The following GPR158 variants were observed in gnomAD, a reference collection of about 807,000 sequenced individuals.
GPR158 encodes the protein metabotropic glycine receptor.
In GPR158, 30 loss-of-function variants were observed where a neutral mutation model predicts 78.2. The ratio of observed to expected loss-of-function variants is 0.38; its 90% CI spans 0.29 to 0.52. The LOEUF is 0.52. Among genes scored for constraint, GPR158 ranks in the 20% least tolerant of loss-of-function variants. The probability of loss-of-function intolerance (pLI) is 0.83; values close to 1 mark genes in which losing one functional copy is unlikely to be tolerated. For missense variants in GPR158, 1,463 were observed against 1,523.5 expected (o/e 0.96, Z 0.66); for synonymous variants, 581 against 591.1 (o/e 0.98, Z 0.25).
chr10:25,309,663 T>C (rs1014664897), intron 2 of GPR158, among the ~76,000 whole-genome samples: 1 of 152,172 alleles, frequency 6.6e-6, no homozygotes, highest in African/African-American at 2.4e-5. Flanking sequence ...CCATGTGTCA[T>C]GGGCATGACC....
intron 1 of GPR158, among the ~76,000 whole-genome samples, chr10:25,196,682 A>G (rs559151705): frequency 6.6e-6 from 1 of 152,254 alleles, no homozygotes; most frequent in East Asian, 1.9e-4. Context: ...CCCACCCTGG[A>G]CCTTTACTCT....
chr10:25,387,895 A>ACAT (rs1437308316), intron 2 of GPR158, among the ~76,000 whole-genome samples: 1 of 152,146 alleles, frequency 6.6e-6, no homozygotes, highest in African/African-American at 2.4e-5. Flanking sequence ...TCCATTGAAG[A>ACAT]CATCTGGTTA....
chr10:25,178,555 C>A (rs938349227), intron 1 of GPR158, among the ~76,000 whole-genome samples: 1 of 152,186 alleles, frequency 6.6e-6, no homozygotes, highest in East Asian at 1.9e-4. Flanking sequence ...TTTTTTCACT[C>A]TGTTTAGAAA....
At chr10:25,568,406 C>T (rs371739994) in intron 6 of GPR158, among the ~76,000 whole-genome samples, 32 of 152,078 alleles carry the variant, frequency 2.1e-4, no homozygotes, top group African/African-American at 7.7e-4. Context: ...AGGAGCTAGC[C>T]AAGAAGTAGG....
intron 2 of GPR158, among the ~76,000 whole-genome samples, chr10:25,257,027 C>T (rs1053236328): frequency 6.6e-6 from 1 of 152,176 alleles, no homozygotes; most frequent in African/African-American, 2.4e-5. Context: ...TTTTCTGCTG[C>T]TGTAACAGAA....
rs966645787 is a variant in GPR158, at chr10:25,351,060, C to T, written c.1009-44851C>T. 7.2e-5 allele frequency among the ~76,000 whole-genome samples: 11 copies of T among 151,942 alleles called. No individual in the cohort carries two copies. The South Asian group carries it at 1.9e-3, about 26-fold the overall frequency. On this transcript the variant is annotated intron_variant, in intron 2 of 10. Transcript: ENST00000376351. Reference sequence around the variant, plus strand: ...TCTCTAGGTGAAATGGAGATTCCTTCGCAGAAGAGGTGACACCTATACAGC... The same window carrying T: ...TCTCTAGGTGAAATGGAGATTCCTTTGCAGAAGAGGTGACACCTATACAGC...
rs191531365 is a variant in GPR158, at chr10:25,180,049, G to C, written c.902+3727G>C. ...ATGGTTAGCAGGTACTTAAGGGTTTGTTGAATTTAAAAGAAGGTGAGTTTC... is the reference window on the plus strand; with the variant it reads ...ATGGTTAGCAGGTACTTAAGGGTTTCTTGAATTTAAAAGAAGGTGAGTTTC... On this transcript the variant is annotated intron_variant, in intron 1 of 10. Coordinates refer to ENST00000376351, the MANE Select transcript of GPR158 (RefSeq NM_020752.3). 5.1e-4 allele frequency among the ~76,000 whole-genome samples: 77 copies of C among 152,192 alleles called. 1 individual carries two copies. Among genetic ancestry groups the C allele is most frequent in the Admixed American group, 4.5e-3 (68 of 15,280 alleles).
At position 25,505,160 on chromosome 10, in the gene GPR158, ATG is replaced by A. The variant is rs1368627090; in HGVS notation, c.1404+38442_1404+38443del. On this transcript the variant is annotated intron_variant, in intron 5 of 10. Transcript: ENST00000376351. ...ATAAACATTAGCTCTTATTTTGATAATGATGTTGACAATGAAAGCCTTTTTGT... is the reference window on the plus strand; with the variant it reads ...ATAAACATTAGCTCTTATTTTGATAAATGTTGACAATGAAAGCCTTTTTGT... 1.3e-4 allele frequency among the ~76,000 whole-genome samples: 20 copies of A among 152,220 alleles called. No individual in the cohort carries two copies. The East Asian group carries it at 3.7e-3, about 28-fold the overall frequency.
chr10:25,572,255 T>C lies in GPR158; in HGVS notation c.1515-394T>C, dbSNP rs151157370. On this transcript the variant is annotated intron_variant, in intron 6 of 10. Coordinates refer to ENST00000376351, the MANE Select transcript of GPR158 (RefSeq NM_020752.3). ...TCAATGGACTCTAATGTAAGATATGTGTTTTACTACTGGAAGATAAACTAA... is the reference window on the plus strand; with the variant it reads ...TCAATGGACTCTAATGTAAGATATGCGTTTTACTACTGGAAGATAAACTAA... Among the ~76,000 whole-genome samples, 14 of 152,362 alleles carry C rather than the reference T, an allele frequency of 9.2e-5. 1 individual carries two copies. The highest frequency in any genetic ancestry group is 2.1e-4 in the Non-Finnish European group (14 of 68,034).
chr10:25,423,802 G>A (rs368692418), intron 4 of GPR158, among the ~76,000 whole-genome samples: 1 of 152,140 alleles, frequency 6.6e-6, no homozygotes, highest in East Asian at 1.9e-4. Context: ...AATTTGGGTT[G>A]GTTCCAAGTC....
At chr10:25,478,797 C>CTCCCT (rs1835624271) in intron 5 of GPR158, among the ~76,000 whole-genome samples, 1 of 127,186 alleles carries the variant, frequency 7.9e-6, no homozygotes, top group Non-Finnish European at 1.6e-5. Flanking sequence ...CTCCTCCCTC[C>CTCCCT]CCCCACCCCA....
At chr10:25,554,836 A>G (rs1269034677) in intron 6 of GPR158, among the ~76,000 whole-genome samples, 1 of 152,208 alleles carries the variant, frequency 6.6e-6, no homozygotes, top group Admixed American at 6.6e-5. Context: ...TATGGTGATT[A>G]TAAAAAGACC....
chr10:25,274,687 C>T (rs1854160172), intron 2 of GPR158, among the ~76,000 whole-genome samples: 1 of 152,058 alleles, frequency 6.6e-6, no homozygotes, highest in South Asian at 2.1e-4. Context: ...TTACCTGATG[C>T]CATGTAACAG....
chr10:25,412,745 ATGTCTT>A (rs1327027967), intron 4 of GPR158, among the ~76,000 whole-genome samples: 8 of 152,122 alleles, frequency 5.3e-5, no homozygotes. Context: ...CCTTTACATC[ATGTCTT>A]TGGCCTCTAG....
chr10:25,592,840 T>C (rs192002204), intron 8 of GPR158, among the ~76,000 whole-genome samples: 1 of 148,758 alleles, frequency 6.7e-6, no homozygotes, highest in Non-Finnish European at 1.5e-5. Flanking sequence ...CCCAGAGTGT[T>C]ATATCCCTTA....
chr10:25,401,348 A>G (rs1834443935), intron 3 of GPR158, among the ~76,000 whole-genome samples: 3 of 152,170 alleles, frequency 2.0e-5, no homozygotes, highest in Admixed American at 1.3e-4. Context: ...TAGTTGTAGA[A>G]GAAAGATTCT....
intron 4 of GPR158, among the ~76,000 whole-genome samples, chr10:25,454,723 C>A (rs1193807048): frequency 1.3e-5 from 2 of 152,148 alleles, no homozygotes; most frequent in Admixed American, 6.6e-5. Context: ...TATGTTAAAC[C>A]AAATATAAAC....
At chr10:25,514,051 G>A (rs1008046963) in intron 5 of GPR158, among the ~76,000 whole-genome samples, 4 of 152,086 alleles carry the variant, frequency 2.6e-5, no homozygotes, top group Non-Finnish European at 5.9e-5. Context: ...TCTAAGGTAC[G>A]TTTAAATCCA....
At chr10:25,181,308 TA>T (rs1852608873) in intron 1 of GPR158, among the ~76,000 whole-genome samples, 1 of 152,226 alleles carries the variant, frequency 6.6e-6, no homozygotes, top group Admixed American at 6.5e-5. Flanking sequence ...TGAAATTCTG[TA>T]AAAACTAAAT....
Sources: allele counts gnomAD v4.1 joint callset (sites outside exome capture counted in the v4.1 genomes callset), GRCh38; gene constraint gnomAD v4.1.1; transcripts MANE v1.5; gene names NCBI Gene and HGNC (gene_info 2026-07-23, HGNC 2026-07-21).